The following GTF3A variants were observed in gnomAD, a reference collection of about 807,000 sequenced individuals.
The protein encoded by GTF3A is transcription factor IIIA.
In GTF3A, 40 loss-of-function variants were observed where a neutral mutation model predicts 37.6. The ratio of observed to expected loss-of-function variants is 1.06; its 90% CI spans 0.83 to 1.38. The LOEUF (loss-of-function observed/expected upper bound fraction) is 1.38. Among genes scored for constraint, GTF3A ranks in the 40% most tolerant of loss-of-function variants. The probability of loss-of-function intolerance (pLI) is 0.00; values close to 1 mark genes in which losing one functional copy is unlikely to be tolerated. For missense variants in GTF3A, 500 were observed against 462.6 expected (o/e 1.08, Z -0.74); for synonymous variants, 191 against 166.7 (o/e 1.15, Z -1.12).
In GTF3A at chr13:27,424,749, G is replaced by A. The variant is rs931949201; in HGVS notation, c.12G>A (p.Pro4=). ...GAGGCGCCGGCGCCCTGGATCCGCC[G>A]GCCGTGGTCGCCGAGTCGGTGTCGT... is the stretch of plus-strand genomic sequence containing the variant. Residue 4 remains proline (P), a synonymous_variant, in exon 1 of 9, where the codon CCG becomes CCA. Transcript: ENST00000381140. The A allele has an allele frequency of 2.7e-6, 4 of 1,473,234 alleles. No individual in the cohort carries two copies. The highest frequency in any genetic ancestry group is 5.7e-5 in the East Asian group (2 of 35,046). The allele number at this position is 1,473,234 out of a possible 1,614,324, so 91.3% of individuals were successfully genotyped here.
rs1184142229 is a variant in GTF3A, at chr13:27,435,135, A to G, written c.876A>G (p.Gln292=). ...AATAACTTTCTCTTTCATTGTAGCA[A>G]AGTCTCACTAGGCATGCTGTTGTAC... The change falls in exon 8 of 9, where the codon CAA becomes CAG. Residue 292 remains glutamine (Q), a splice_region_variant and synonymous_variant. Coordinates refer to ENST00000381140, the MANE Select transcript of GTF3A (RefSeq NM_002097.3). The G allele has an allele frequency of 1.4e-5, 22 of 1,609,324 alleles. No homozygotes were observed. Among genetic ancestry groups the G allele is most frequent in the Middle Eastern group, 1.7e-4 (1 of 6,010 alleles).
intron 2 of GTF3A, 49 bp downstream of exon 2, chr13:27,427,241 T>C (rs1953614307): frequency 5.8e-6 from 5 of 855,916 alleles, no homozygotes; most frequent in Non-Finnish European, 7.9e-6. Flanking sequence ...GTGTTGGGCA[T>C]ATAGACCCAG....
chr13:27,433,689 C>T (rs1269858932), intron 5 of GTF3A, among the ~76,000 whole-genome samples: 1 of 151,794 alleles, frequency 6.6e-6, no homozygotes, highest in South Asian at 2.1e-4. Context: ...GACAAGGGAC[C>T]GACTGCAGAG....
chr13:27,433,112 T>TA (rs1953672460), intron 5 of GTF3A, among the ~76,000 whole-genome samples: 1 of 151,846 alleles, frequency 6.6e-6, no homozygotes, highest in African/African-American at 2.4e-5. Flanking sequence ...CCTCTTCTAT[T>TA]AATATTTACT....
chr13:27,432,612 G>T (rs1296076272), intron 4 of GTF3A, 119 bp from the exon 5 acceptor site: 2 of 754,310 alleles, frequency 2.7e-6, no homozygotes, highest in Non-Finnish European at 4.6e-6. Context: ...TTTTAACATG[G>T]GTTTGGTTAT....
In GTF3A at chr13:27,427,134, A is replaced by T. The variant is rs1361970196; in HGVS notation, c.244A>T (p.Ile82Phe). ...CTATGAAGGGTGTGGCAAGGCCTTC[A>T]TCAGGGACTACCATCTGAGCCGCCA... The change falls in exon 2 of 9, where the codon ATC becomes TTC. Residue 82 changes from isoleucine (I) to phenylalanine (F), a missense_variant. Physicochemically the swap from Ile to Phe is conservative, Grantham distance 21 (BLOSUM62 0). Transcript: ENST00000381140. 1 of 1,608,358 alleles carries T rather than the reference A, an allele frequency of 6.2e-7. No individual in the cohort carries two copies.
intron 4 of GTF3A, among the ~76,000 whole-genome samples, chr13:27,432,288 G>A (rs1374397889): frequency 6.6e-6 from 1 of 152,134 alleles, no homozygotes; most frequent in Non-Finnish European, 1.5e-5. Flanking sequence ...TAGCACAGAG[G>A]GGGCCCGTGC....
chr13:27,434,559 A>C, intron 6 of GTF3A: 9 of 565,888 alleles, frequency 1.6e-5, no homozygotes, highest in Non-Finnish European at 2.2e-5. Context: ...GTACCTCCCC[A>C]CAGTCACCTT....
chr13:27,428,715 AC>A (rs1351537770), intron 2 of GTF3A, among the ~76,000 whole-genome samples: 1 of 152,140 alleles, frequency 6.6e-6, no homozygotes, highest in Non-Finnish European at 1.5e-5. Flanking sequence ...AATGGCAGGA[AC>A]CCCAGCACAA....
At chr13:27,428,781 C>G (rs1360344314) in intron 2 of GTF3A, among the ~76,000 whole-genome samples, 2 of 152,200 alleles carry the variant, frequency 1.3e-5, no homozygotes. Flanking sequence ...TACAGAAATA[C>G]AGAGGCAGGA....
Position 27,429,881 on chromosome 13 carries a change from A to G in GTF3A, c.314A>G (p.Asn105Ser). The G allele has an allele frequency of 1.3e-6, 2 of 1,528,062 alleles. No homozygotes were observed. The highest frequency in any genetic ancestry group is 2.5e-5 in the East Asian group (1 of 40,292). 94.7% of individuals were successfully genotyped at this position (1,528,062 alleles called of 1,614,324 possible). Residue 105 changes from asparagine to serine, a missense_variant, in exon 3 of 9, where the codon AAT (asparagine) becomes AGT (serine). Physicochemically the swap from Asn to Ser is conservative, Grantham distance 46. Coordinates refer to ENST00000381140, the MANE Select transcript of GTF3A (RefSeq NM_002097.3). ...ATAACTTCTTACAGTTGTGCAGCCA[A>G]TGGCTGTGATCAAAAATTCAACACA...
At position 27,434,669 on chromosome 13, in the gene GTF3A, G is replaced by C. The variant is rs115278905; in HGVS notation, c.644-136G>C. ...TTCCTAGGTGATAAAAACTGGGGTT[G>C]TTTCCTTGGGAATTTCTGATTTGTA... On this transcript the variant is annotated intron_variant, in intron 6 of 8. Transcript: ENST00000381140. 1.4e-3 allele frequency: 828 copies of C among 595,384 alleles called. 6 individuals carry two copies. The African/African-American group carries it at 0.014, about 10-fold the overall frequency. The allele number at this position is 595,384 out of a possible 1,614,324, so 36.9% of individuals were successfully genotyped here.
intron 6 of GTF3A, 82 bp from the exon 7 acceptor site, chr13:27,434,723 G>C (rs1012762803): frequency 1.4e-5 from 10 of 712,262 alleles, no homozygotes; most frequent in Middle Eastern, 6.2e-4. Context: ...GGCACTGAAT[G>C]TTACTTATAT....
At position 27,429,857 on chromosome 13, in the gene GTF3A, T is replaced by C. The variant is rs1205658973; in HGVS notation, c.303-13T>C. The C allele has an allele frequency of 1.4e-6, 2 of 1,467,088 alleles. No individual in the cohort carries two copies. The highest frequency in any genetic ancestry group is 2.7e-5 in the South Asian group (2 of 74,934). The allele number at this position is 1,467,088 out of a possible 1,614,324, so 90.9% of individuals were successfully genotyped here. On this transcript the variant is annotated splice_polypyrimidine_tract_variant and intron_variant, in intron 2 of 8. Transcript: ENST00000381140. ...TGGTTTATTAATATTTTGGTTTATA[T>C]AACTTCTTACAGTTGTGCAGCCAAT...
chr13:27,431,574 C>A (rs1158613250), intron 4 of GTF3A, among the ~76,000 whole-genome samples: 1 of 150,022 alleles, frequency 6.7e-6, no homozygotes, highest in African/African-American at 2.5e-5. Flanking sequence ...TAAGTGGGCA[C>A]TAAACTATGA....
At chr13:27,424,959 A>G in intron 1 of GTF3A, 21 bp downstream of exon 1, 2 of 1,528,230 alleles carry the variant, frequency 1.3e-6, no homozygotes, top group Non-Finnish European at 1.8e-6. Context: ...CGAGGCTGCC[A>G]ACCCTGGGCC....
chr13:27,435,559 A>C lies in GTF3A; in HGVS notation c.1060A>C (p.Lys354Gln). 6.2e-7 allele frequency: 1 copy of C among 1,613,778 alleles called. No homozygotes were observed. The highest frequency in any genetic ancestry group is 8.5e-7 in the Non-Finnish European group (1 of 1,179,736). Residue 354 changes from lysine to glutamine, a missense_variant, in exon 9 of 9, where the codon AAG (lysine) becomes CAG (glutamine). Coordinates refer to ENST00000381140, the MANE Select transcript of GTF3A (RefSeq NM_002097.3). The stretch of plus-strand genomic sequence containing the variant: ...AGAGTCACCCAACTGTGTGGAAGAC[A>C]AGATGCTCTCGACAGTTGCAGTACT...
chr13:27,427,406 C>A (rs138673229), intron 2 of GTF3A, among the ~76,000 whole-genome samples: 1 of 151,948 alleles, frequency 6.6e-6, no homozygotes, highest in Non-Finnish European at 1.5e-5. Context: ...GGTGAAACCC[C>A]GTATGTACAA....
chr13:27,429,286 A>C (rs1292464593), intron 2 of GTF3A: 5 of 116,856 alleles, frequency 4.3e-5, no homozygotes, highest in Non-Finnish European at 9.2e-5. Context: ...AAGAGGCACA[A>C]ATTTTCTTTT....
Sources: allele counts gnomAD v4.1 joint callset (sites outside exome capture counted in the v4.1 genomes callset), GRCh38; gene constraint gnomAD v4.1.1; transcripts MANE v1.5; gene names NCBI Gene and HGNC (gene_info 2026-07-23, HGNC 2026-07-21).